The following MTPN variants were observed in gnomAD, a reference collection of about 807,000 sequenced individuals.
The protein encoded by MTPN is granule cell differentiation protein.
MTPN carries 2 observed loss-of-function variants against 13.5 expected under a neutral mutation model. The ratio of observed to expected loss-of-function variants is 0.15; its 90% CI spans 0.06 to 0.47. MTPN has a LOEUF of 0.47. MTPN is among the 20% of genes least tolerant of loss of function. MTPN has a pLI of 0.97. For synonymous variants in MTPN, 46 were observed against 51.7 expected, an observed-to-expected ratio of 0.89 and a Z score of 0.48; for missense variants, 79 against 137.9, an observed-to-expected ratio of 0.57 and a Z score of 2.14.
chr7:135,972,953 G>A (rs1287121715), intron 1 of MTPN, among the ~76,000 whole-genome samples: 2 of 151,848 alleles, frequency 1.3e-5, no homozygotes, highest in African/African-American at 4.8e-5. Context: ...AGATCTACAA[G>A]GAAGAAACAG....
At chr7:135,938,381 G>GC (rs1327713603) in intron 3 of MTPN, among the ~76,000 whole-genome samples, 1 of 152,170 alleles carries the variant, frequency 6.6e-6, no homozygotes, top group African/African-American at 2.4e-5. Context: ...TGGAAAGAAA[G>GC]CAATTTAGAA....
chr7:135,950,438 G>A (rs1445033156), intron 3 of MTPN, among the ~76,000 whole-genome samples, 161 bp downstream of exon 3: 1 of 152,184 alleles, frequency 6.6e-6, no homozygotes, highest in African/African-American at 2.4e-5. Context: ...ACTGGTAACA[G>A]TTTATGGGCC....
chr7:135,949,996 G>T (rs1241743767), intron 3 of MTPN, among the ~76,000 whole-genome samples: 1 of 152,068 alleles, frequency 6.6e-6, no homozygotes, highest in Non-Finnish European at 1.5e-5. Flanking sequence ...ACATCTGTAG[G>T]ATCCATCTAA....
intron 3 of MTPN, among the ~76,000 whole-genome samples, chr7:135,944,965 T>G (rs1799269761): frequency 6.6e-6 from 1 of 152,206 alleles, no homozygotes; most frequent in Non-Finnish European, 1.5e-5. Flanking sequence ...TATGGCCTAC[T>G]ACACACGTAG....
At chr7:135,932,005 A>T (rs900372822) in intron 3 of MTPN, among the ~76,000 whole-genome samples, 1 of 152,148 alleles carries the variant, frequency 6.6e-6, no homozygotes, top group African/African-American at 2.4e-5. Flanking sequence ...TTGTTAACAA[A>T]TGTGAACAGT....
intron 3 of MTPN, among the ~76,000 whole-genome samples, chr7:135,942,072 A>C (rs867906092): frequency 2.2e-4 from 33 of 151,836 alleles, no homozygotes; most frequent in Middle Eastern, 3.4e-3. Flanking sequence ...CATTTTTAGT[A>C]GAGATGGGGT....
intron 3 of MTPN, among the ~76,000 whole-genome samples, chr7:135,934,995 A>C (rs1799092482): frequency 6.6e-6 from 1 of 152,164 alleles, no homozygotes. Context: ...AGTTCCATAA[A>C]TACCTTGAAT....
chr7:135,965,078 A>G (rs567577150), intron 1 of MTPN, among the ~76,000 whole-genome samples: 1 of 152,224 alleles, frequency 6.6e-6, no homozygotes, highest in East Asian at 1.9e-4. Context: ...TAAAATATTT[A>G]CTAGCTGCCC....
At chr7:135,975,413 T>C (rs1799759506) in intron 1 of MTPN, among the ~76,000 whole-genome samples, 1 of 152,188 alleles carries the variant, frequency 6.6e-6, no homozygotes, top group Non-Finnish European at 1.5e-5. Flanking sequence ...CTTCACAATT[T>C]ACCATCTCCA....
intron 1 of MTPN, among the ~76,000 whole-genome samples, chr7:135,969,405 T>C (rs943408007): frequency 2.6e-5 from 4 of 151,764 alleles, no homozygotes; most frequent in Admixed American, 6.6e-5. Flanking sequence ...ATAGTTATAA[T>C]GTAGTATCTC....
intron 1 of MTPN, among the ~76,000 whole-genome samples, chr7:135,976,681 T>A (rs1799777314): frequency 1.3e-5 from 2 of 152,162 alleles, no homozygotes; most frequent in Non-Finnish European, 2.9e-5. Context: ...AAAGAAAGGT[T>A]TAAGTAACTT....
intron 3 of MTPN, among the ~76,000 whole-genome samples, chr7:135,942,600 A>G: frequency 6.6e-6 from 1 of 152,316 alleles, no homozygotes; most frequent in East Asian, 1.9e-4. Flanking sequence ...AAAATATTTT[A>G]TAAGACTACT....
intron 1 of MTPN, among the ~76,000 whole-genome samples, chr7:135,954,296 G>A (rs1180409038): frequency 6.6e-6 from 1 of 152,168 alleles, no homozygotes; most frequent in Non-Finnish European, 1.5e-5. Context: ...CTAGACAAAA[G>A]ATTATTCAAA....
At chr7:135,945,448 T>G (rs1799275521) in intron 3 of MTPN, among the ~76,000 whole-genome samples, 1 of 152,194 alleles carries the variant, frequency 6.6e-6, no homozygotes, top group Admixed American at 6.5e-5. Flanking sequence ...TTCTTTTATA[T>G]TCTTATTCTG....
At chr7:135,970,567 G>A (rs1037556879) in intron 1 of MTPN, among the ~76,000 whole-genome samples, 3 of 151,980 alleles carry the variant, frequency 2.0e-5, no homozygotes, top group African/African-American at 7.2e-5. Context: ...ATTCAATACA[G>A]CTTTGCTTTT....
chr7:135,943,724 AGTT>A (rs1476331262), intron 3 of MTPN, among the ~76,000 whole-genome samples: 1 of 152,180 alleles, frequency 6.6e-6, no homozygotes, highest in Non-Finnish European at 1.5e-5. Flanking sequence ...TATTATATAT[AGTT>A]GTTGTTGTAA....
intron 3 of MTPN, among the ~76,000 whole-genome samples, chr7:135,941,436 T>G (rs73162995): frequency 0.05 from 6,072 of 122,652 alleles, 196 homozygotes; most frequent in Non-Finnish European, 0.074. Context: ...ATTTACCAAG[T>G]GGGTTAAGTG....
At chr7:135,941,187 G>A (rs570250750) in intron 3 of MTPN, among the ~76,000 whole-genome samples, 2 of 152,284 alleles carry the variant, frequency 1.3e-5, no homozygotes, top group Admixed American at 1.3e-4. Context: ...AAATAGTGTG[G>A]CAAGTACTAA....
Position 135,958,857 on chromosome 7 carries a change from C to G in MTPN, c.73-7227G>C, listed in dbSNP as rs10275853. 5.1e-3 allele frequency among the ~76,000 whole-genome samples: 773 copies of G among 152,232 alleles called. 6 individuals carry two copies. The highest frequency in any genetic ancestry group is 0.018 in the African/African-American group (749 of 41,544). ...TTCCCCATCATTCCCTCAAGGATAT[C>G]TCTGAAACATTCAAATTTCACTAAA... is the stretch of plus-strand genomic sequence containing the variant. On this transcript the variant is annotated intron_variant, in intron 1 of 3. Coordinates refer to ENST00000393085, the MANE Select transcript of MTPN (RefSeq NM_145808.4).
Sources: allele counts gnomAD v4.1 joint callset (sites outside exome capture counted in the v4.1 genomes callset), GRCh38; gene constraint gnomAD v4.1.1; transcripts MANE v1.5; gene names NCBI Gene and HGNC (gene_info 2026-07-23, HGNC 2026-07-21).